GPR35: variants seen among roughly 807,000 people sequenced by gnomAD.
The protein encoded by GPR35 is KYNA receptor.
For missense variants in GPR35, 372 were observed against 422.5 expected, an observed-to-expected ratio of 0.88 and a Z score of 1.05; for synonymous variants, 207 against 198.4, an observed-to-expected ratio of 1.04 and a Z score of -0.36.
In GPR35 at chr2:240,630,876, C is replaced by T. The variant is rs142915042; in HGVS notation, c.924C>T (p.Leu308=). 3.2e-5 allele frequency: 51 copies of T among 1,610,830 alleles called. No homozygotes were observed. In the Middle Eastern group the frequency reaches 4.9e-4, roughly 16 times the overall value. Reference sequence around the variant, plus strand: ...GCCAGGACTCTCTGTGCGTGACCCTCGCCTAAGAGGCGTGCTGTGGGCGCT... The same window carrying T: ...GCCAGGACTCTCTGTGCGTGACCCTTGCCTAAGAGGCGTGCTGTGGGCGCT... ...HKSQDSLCVT[L]A Residue 308 remains leucine (L), a synonymous_variant, in exon 2 of 2, where the codon CTC becomes CTT. Coordinates refer to ENST00000407714, the MANE Select transcript of GPR35 (RefSeq NM_005301.5).
upstream of GPR35, among the ~76,000 whole-genome samples, chr2:240,620,856 C>T (rs536452514): frequency 1.3e-5 from 2 of 152,336 alleles, no homozygotes; most frequent in African/African-American, 2.4e-5. Flanking sequence ...GTTCTCTATA[C>T]ACTTTTATTA....
intron 2 of GPR35, chr2:240,607,494 TCC>T (rs1263281881): frequency 2.6e-5 from 4 of 152,232 alleles, no homozygotes; most frequent in Non-Finnish European, 5.9e-5. Flanking sequence ...CTGAACCCTG[TCC>T]ATTTATTTGG....
chr2:240,630,917 G>C lies in GPR35; in HGVS notation c.*35G>C, dbSNP rs1188696384. Reference sequence around the variant, plus strand: ...TGTGGGCGCTGTGGGCCAGGTCTCGGGGGCTCCGGGAGGTGCTGCCTGCCA... The same window carrying C: ...TGTGGGCGCTGTGGGCCAGGTCTCGCGGGCTCCGGGAGGTGCTGCCTGCCA... On this transcript the variant is annotated 3_prime_UTR_variant, in exon 2 of 2. Coordinates refer to ENST00000407714, the MANE Select transcript of GPR35 (RefSeq NM_005301.5). 3 of 1,564,204 alleles carry C rather than the reference G, an allele frequency of 1.9e-6. No individual in the cohort carries two copies. The highest frequency in any genetic ancestry group is 2.6e-6 in the Non-Finnish European group (3 of 1,145,438).
upstream of GPR35, among the ~76,000 whole-genome samples, chr2:240,622,618 G>A (rs1370213608): frequency 2.0e-5 from 3 of 152,264 alleles, no homozygotes; most frequent in African/African-American, 7.2e-5. Context: ...CAGCCCGAGT[G>A]TTGGACAAGC....
upstream of GPR35, among the ~76,000 whole-genome samples, chr2:240,621,325 G>A (rs776709147): frequency 3.9e-5 from 6 of 152,162 alleles, no homozygotes; most frequent in Non-Finnish European, 7.3e-5. Context: ...CGTGATCTCG[G>A]CTCACCACAA....
chr2:240,610,325 T>C (rs1035459512), intron 2 of GPR35, among the ~76,000 whole-genome samples: 1 of 152,238 alleles, frequency 6.6e-6, no homozygotes, highest in Admixed American at 6.5e-5. Context: ...TTAATATTTT[T>C]ATTCCTGCTT....
chr2:240,614,952 T>G (rs556277492), intron 2 of GPR35, among the ~76,000 whole-genome samples: 4 of 152,128 alleles, frequency 2.6e-5, no homozygotes, highest in Admixed American at 2.6e-4. Flanking sequence ...GTATGCATGT[T>G]TATGTGTGTA....
In GPR35 at chr2:240,625,548, G is replaced by A. The variant is rs771527265; in HGVS notation, c.-25G>A. The A allele has an allele frequency of 8.1e-6, 8 of 985,906 alleles. No individual in the cohort carries two copies. Among genetic ancestry groups the A allele is most frequent in the African/African-American group, 1.7e-5 (1 of 57,256 alleles). The allele number at this position is 985,906 out of a possible 1,614,324, so 61.1% of individuals were successfully genotyped here. On this transcript the variant is annotated 5_prime_UTR_variant, in exon 1 of 2. Coordinates refer to ENST00000407714, the MANE Select transcript of GPR35 (RefSeq NM_005301.5). ...CAGCGGGGGTCACACACTCCACCCG[G>A]GAGGCCAAAGCTGCCTGCAGGTCAG... is the stretch of plus-strand genomic sequence containing the variant.
At chr2:240,625,208 G>A (rs941111717), upstream of GPR35, 71 of 938,970 alleles carry the variant, frequency 7.6e-5, no homozygotes, top group Middle Eastern at 5.4e-4. Flanking sequence ...GGGCTGGAGC[G>A]TCTCTGGTTT....
Position 240,632,390 on chromosome 2 carries a change from A to C in GPR35, c.*1508A>C, listed in dbSNP as rs2043459916. Reference sequence around the variant, plus strand: ...ATGCCCAGGAGGCTCCATGTCAAGAAAGATTCATGCCTAGGAGGGTTCATG... The same window carrying C: ...ATGCCCAGGAGGCTCCATGTCAAGACAGATTCATGCCTAGGAGGGTTCATG... On this transcript the variant is annotated 3_prime_UTR_variant, in exon 2 of 2. Coordinates refer to ENST00000407714, the MANE Select transcript of GPR35 (RefSeq NM_005301.5). Among the ~76,000 whole-genome samples the C allele has an allele frequency of 6.6e-6, 1 of 150,864 alleles. No homozygotes were observed. The highest frequency in any genetic ancestry group is 1.5e-5 in the Non-Finnish European group (1 of 67,740).
In GPR35 at chr2:240,630,252, G is replaced by T; in HGVS notation, c.300G>T (p.Arg100Ser). 6.4e-7 allele frequency: 1 copy of T among 1,564,452 alleles called. No individual in the cohort carries two copies. Among genetic ancestry groups the T allele is most frequent in the Non-Finnish European group, 8.6e-7 (1 of 1,158,674 alleles). The change falls in exon 2 of 2, where the codon AGG becomes AGT. Residue 100 changes from arginine to serine, a missense_variant. Arg to Ser is a moderately radical substitution (Grantham distance 110). Transcript: ENST00000407714. ...QLSQGIYLTNRYMSISLVTAI... is the reference protein window; with the variant it reads ...QLSQGIYLTNSYMSISLVTAI... The stretch of plus-strand genomic sequence containing the variant: ...CCCAGGGCATCTACCTGACCAACAG[G>T]TACATGAGCATCAGCCTGGTCACGG...
chr2:240,625,453 C>A, upstream of GPR35: 1 of 985,712 alleles, frequency 1.0e-6, no homozygotes, highest in Non-Finnish European at 1.2e-6. Flanking sequence ...CAGGGACCAG[C>A]CCTGAGGGGT....
intron 4 of GPR35, among the ~76,000 whole-genome samples, chr2:240,618,718 G>A (rs575040424): frequency 2.8e-4 from 42 of 152,168 alleles, no homozygotes; most frequent in Non-Finnish European, 4.0e-4. Context: ...TTAATTTAAA[G>A]CAAATTTTGT....
intron 5 of GPR35, among the ~76,000 whole-genome samples, chr2:240,620,015 C>G (rs1302716308): frequency 6.6e-6 from 1 of 152,182 alleles, no homozygotes; most frequent in Non-Finnish European, 1.5e-5. Context: ...GCTTCCCAGT[C>G]ACAGAGCCTT....
In GPR35 at chr2:240,631,216, C is replaced by A; in HGVS notation, c.*334C>A. 2.9e-6 allele frequency: 1 copy of A among 341,990 alleles called. No individual in the cohort carries two copies. The highest frequency in any genetic ancestry group is 5.6e-6 in the Non-Finnish European group (1 of 177,376). The allele number at this position is 341,990 out of a possible 1,614,324, so 21.2% of individuals were successfully genotyped here. On this transcript the variant is annotated 3_prime_UTR_variant, in exon 2 of 2. Coordinates refer to ENST00000407714, the MANE Select transcript of GPR35 (RefSeq NM_005301.5). ...GCAGCCTTGATGACACCTGCCGCTG[C>A]CCCTCGGGGCTGGAATAAAACTCCC...
chr2:240,609,035 T>A (rs1292211491), intron 2 of GPR35, among the ~76,000 whole-genome samples: 2 of 152,214 alleles, frequency 1.3e-5, no homozygotes, highest in African/African-American at 4.8e-5. Context: ...AATATTCTTG[T>A]ATTATTCTTC....
rs1258069712 is a variant in GPR35, at chr2:240,633,069, C to G, written c.*2187C>G. Among the ~76,000 whole-genome samples the G allele has an allele frequency of 6.6e-6, 1 of 152,154 alleles. No individual in the cohort carries two copies. Among genetic ancestry groups the G allele is most frequent in the Non-Finnish European group, 1.5e-5 (1 of 68,030 alleles). On this transcript the variant is annotated 3_prime_UTR_variant, in exon 2 of 2. Transcript: ENST00000407714. ...TCTTATGAAGAAGGTTCCTTGCTTC[C>G]CCTTCACCTTCTGCCATGATTGTAA... is the stretch of plus-strand genomic sequence containing the variant.
At chr2:240,618,949 AG>A (rs2043265207) in exon 5 of GPR35, 1 of 702,468 alleles carries the variant, frequency 1.4e-6, no homozygotes, top group Middle Eastern at 2.3e-4. Flanking sequence ...AGAGATGCTG[AG>A]TGGTTCCCGG....
At chr2:240,607,685 A>G (rs1045919639) in intron 2 of GPR35, among the ~76,000 whole-genome samples, 2 of 152,138 alleles carry the variant, frequency 1.3e-5, no homozygotes, top group African/African-American at 2.4e-5. Flanking sequence ...TGTATCCTGT[A>G]ACCTTGATAA....
Sources: gnomAD v4.1 joint callset for allele counts (sites outside exome capture counted in the v4.1 genomes callset) on GRCh38, gnomAD v4.1.1 for gene constraint, MANE v1.5 for transcripts, NCBI Gene and HGNC (gene_info 2026-07-23, HGNC 2026-07-21) for gene names.